HSPG2: variants seen among roughly 807,000 people sequenced by gnomAD.
HSPG2 encodes the protein basement membrane-specific heparan sulfate proteoglycan core protein.
In HSPG2, 278 loss-of-function variants were observed where a neutral mutation model predicts 526.6. The observed-to-expected ratio is 0.53, with a 90% confidence interval of 0.48 to 0.58. HSPG2 has a LOEUF of 0.58. Ranked by LOEUF, HSPG2 falls within the 20% of genes least tolerant of loss-of-function variation. The pLI, the probability that HSPG2 is intolerant of heterozygous loss-of-function variation, is 0.00. For synonymous variants in HSPG2, 2,465 were observed against 2,555.4 expected, an observed-to-expected ratio of 0.96 and a Z score of 1.07; for missense variants, 5,354 against 6,099.5, an observed-to-expected ratio of 0.88 and a Z score of 4.07.
intron 62 of HSPG2, 150 bp from the exon 63 acceptor site, chr1:21,846,749 C>T: frequency 1.1e-6 from 1 of 888,200 alleles, no homozygotes; most frequent in South Asian, 1.5e-5. Flanking sequence ...CCTGTAATCC[C>T]AGCACTTTGG....
chr1:21,864,333 G>C lies in HSPG2; in HGVS notation c.4627-120C>G. ...TGACCCTGGAACATCACAGGCCGGC[G>C]CCCCTCCTTCCCCACTTCTGCTCAG... On this transcript the variant is annotated intron_variant, in intron 36 of 96. Coordinates refer to ENST00000374695, the MANE Select transcript of HSPG2 (RefSeq NM_005529.7). This position sits in a 1 kb window ranked among gnomAD's most constrained non-coding sequence, Gnocchi z 4.8. 2.5e-6 allele frequency: 2 copies of C among 802,232 alleles called. No homozygotes were observed. Among genetic ancestry groups the C allele is most frequent in the Non-Finnish European group, 4.3e-6 (2 of 467,522 alleles). 49.7% of individuals were successfully genotyped at this position (802,232 alleles called of 1,614,324 possible). A position where few individuals can be genotyped will look rare whatever the true frequency, so the allele number is the denominator to read the frequency against.
chr1:21,900,919 A>T (rs1481522704), intron 1 of HSPG2, among the ~76,000 whole-genome samples: 1 of 151,968 alleles, frequency 6.6e-6, no homozygotes, highest in Non-Finnish European at 1.5e-5. Flanking sequence ...TTGGGTGCCA[A>T]GCCCTGAACT....
intron 44 of HSPG2, among the ~76,000 whole-genome samples, chr1:21,856,413 T>C (rs184387738): frequency 6.6e-6 from 1 of 152,148 alleles, no homozygotes; most frequent in African/African-American, 2.4e-5. Context: ...TCTCCCACCT[T>C]GTTTTATTTT....
intron 1 of HSPG2, among the ~76,000 whole-genome samples, chr1:21,932,155 C>A (rs12086256): frequency 0.012 from 1,876 of 152,308 alleles, 36 homozygotes; most frequent in African/African-American, 0.039. Flanking sequence ...CTTCTGTCCC[C>A]GAGCCAATCC....
At position 21,887,620 on chromosome 1, in the gene HSPG2, G is replaced by C. The variant is rs181945618; in HGVS notation, c.758C>G (p.Ser253Cys). Residue 253 changes from serine (S) to cysteine (C), a missense_variant, in exon 8 of 97, where the codon TCT (serine) becomes TGT (cysteine). Transcript: ENST00000374695. This position sits in a 1 kb window ranked among gnomAD's most constrained non-coding sequence, Gnocchi z 5.0. ...GGTTGTCTCTGGCCGGGGCGGTAAAGATGTCGTCTCCACAAGGAGAGAGAA... is the reference window on the plus strand; with the variant it reads ...GGTTGTCTCTGGCCGGGGCGGTAAACATGTCGTCTCCACAAGGAGAGAGAA... ...PTFSLLVETT[S>C]LPPRPETTIM... is the part of the protein sequence containing the mutation. The C allele has an allele frequency of 1.5e-5, 24 of 1,614,054 alleles. No homozygotes were observed. In the East Asian group the frequency reaches 5.1e-4, roughly 34 times the overall value.
chr1:21,923,675 C>A (rs767458215), intron 1 of HSPG2, among the ~76,000 whole-genome samples: 3 of 152,172 alleles, frequency 2.0e-5, no homozygotes, highest in Non-Finnish European at 4.4e-5. Flanking sequence ...GCCCTGAAAT[C>A]CTGCTATAGT....
At position 21,835,568 on chromosome 1, in the gene HSPG2, G is replaced by A; in HGVS notation, c.10425C>T (p.Ala3475=). 1 of 1,614,006 alleles carries A rather than the reference G, an allele frequency of 6.2e-7. No individual in the cohort carries two copies. The highest frequency in any genetic ancestry group is 8.5e-7 in the Non-Finnish European group (1 of 1,179,876). Residue 3475 remains alanine (A), a synonymous_variant, in exon 76 of 97, where the codon GCC becomes GCT. Transcript: ENST00000374695. ...GGATAACCAGCTGGGCACTGGCCTG[G>A]GCCTTCCCCCAAGGTCCATGGGCCT... ...ICQAHGPWGK[A]QASAQLVIQA...
Position 21,848,959 on chromosome 1 carries a change from C to G in HSPG2, c.7519G>C (p.Gly2507Arg). 6.2e-7 allele frequency: 1 copy of G among 1,613,990 alleles called. No homozygotes were observed. Among genetic ancestry groups the G allele is most frequent in the Non-Finnish European group, 8.5e-7 (1 of 1,180,008 alleles). ...GAGGCTTCCTGGGTACCTGAGCTGCCGACCACACGGCACACGTACTCCCCT... is the reference window on the plus strand; with the variant it reads ...GAGGCTTCCTGGGTACCTGAGCTGCGGACCACACGGCACACGTACTCCCCT... ...DSGEYVCRVV[G>R]SSGTQEASVL... The change falls in exon 58 of 97, where the codon GGC becomes CGC. Residue 2507 changes from glycine to arginine, a missense_variant. Physicochemically the swap from Gly to Arg is moderately radical, Grantham distance 125. Coordinates refer to ENST00000374695, the MANE Select transcript of HSPG2 (RefSeq NM_005529.7). This position sits in a 1 kb window ranked among gnomAD's most constrained non-coding sequence, Gnocchi z 4.9.
intron 67 of HSPG2, 93 bp from the exon 68 acceptor site, chr1:21,842,473 T>G: frequency 1.4e-6 from 2 of 1,403,040 alleles, no homozygotes; most frequent in Non-Finnish European, 9.5e-7. Context: ...AAGAGTTCTC[T>G]CGGAAGCTCA....
In HSPG2 at chr1:21,824,718, A is replaced by G. The variant is rs1351086589; in HGVS notation, c.12651T>C (p.His4217=). Residue 4217 remains histidine (H), a synonymous_variant, in exon 92 of 97, where the codon CAT becomes CAC. Coordinates refer to ENST00000374695, the MANE Select transcript of HSPG2 (RefSeq NM_005529.7). This position sits in a 1 kb window ranked among gnomAD's most constrained non-coding sequence, Gnocchi z 5.9. ...GCCAGTCTCACCTCCTGGAGAAGAC[A>G]TGGCCAGGGAAGGCGAGGAAGCCAT... ...HDDGFLAFPG[H]VFSRSLPEVP... The G allele has an allele frequency of 6.2e-7, 1 of 1,613,718 alleles. No homozygotes were observed.
rs539567638 is a variant in HSPG2, at chr1:21,840,368, C to T, written c.9514-351G>A. On this transcript the variant is annotated intron_variant, in intron 71 of 96. Coordinates refer to ENST00000374695, the MANE Select transcript of HSPG2 (RefSeq NM_005529.7). ...TCACCCAGGCTGCAGTGCTGTGGCA[C>T]GATCTCTGCTCACTGAAAGCTCTAC... Among the ~76,000 whole-genome samples the T allele has an allele frequency of 3.0e-3, 451 of 152,256 alleles. 9 individuals carry two copies. Among genetic ancestry groups the T allele is most frequent in the Admixed American group, 0.026 (390 of 15,290 alleles).
Position 21,874,525 on chromosome 1 carries a change from C to G in HSPG2, c.3537G>C (p.Gln1179His), listed in dbSNP as rs763007014. 9 of 1,613,614 alleles carry G rather than the reference C, an allele frequency of 5.6e-6. No individual in the cohort carries two copies. The highest frequency in any genetic ancestry group is 7.6e-6 in the Non-Finnish European group (9 of 1,179,916). The change falls in exon 28 of 97, where the codon CAG becomes CAC. Residue 1179 changes from glutamine to histidine, a missense_variant. Physicochemically the swap from Gln to His is conservative, Grantham distance 24. Transcript: ENST00000374695. ...CACACCGAGGGCCCTCCGTGTGATGCTGGCAGCCCTGGAGGAGCAGGATGT... is the reference window on the plus strand; with the variant it reads ...CACACCGAGGGCCCTCCGTGTGATGGTGGCAGCCCTGGAGGAGCAGGATGT... ...EPETGACQGCQHHTEGPRCEQ... is the reference protein window; with the variant it reads ...EPETGACQGCHHHTEGPRCEQ...
intron 1 of HSPG2, among the ~76,000 whole-genome samples, chr1:21,929,157 C>G (rs1476608709): frequency 6.6e-6 from 1 of 152,188 alleles, no homozygotes; most frequent in Non-Finnish European, 1.5e-5. Context: ...AGCTTCCACT[C>G]TAGATGAGGG....
chr1:21,887,608 C>G lies in HSPG2; in HGVS notation c.770G>C (p.Arg257Pro), dbSNP rs149319607. 7.9e-5 allele frequency: 128 copies of G among 1,613,862 alleles called. No homozygotes were observed. In the African/African-American group the frequency reaches 1.4e-3, roughly 18 times the overall value. Residue 257 changes from arginine to proline, a missense_variant, in exon 8 of 97, where the codon CGG (arginine) becomes CCG (proline). Transcript: ENST00000374695. This position sits in a 1 kb window ranked among gnomAD's most constrained non-coding sequence, Gnocchi z 5.0. Reference protein sequence around the residue: ...LLVETTSLPPRPETTIMRQPP... With the variant: ...LLVETTSLPPPPETTIMRQPP... ...CTGTCGCATGATGGTTGTCTCTGGC[C>G]GGGGCGGTAAAGATGTCGTCTCCAC...
Position 21,843,333 on chromosome 1 carries a change from C to A in HSPG2, c.8722G>T (p.Val2908Phe). The A allele has an allele frequency of 6.2e-7, 1 of 1,614,124 alleles. No homozygotes were observed. Among genetic ancestry groups the A allele is most frequent in the Non-Finnish European group, 8.5e-7 (1 of 1,180,042 alleles). Residue 2908 changes from valine to phenylalanine, a missense_variant, in exon 66 of 97, where the codon GTC becomes TTC. Val to Phe is a conservative substitution (Grantham distance 50, BLOSUM62 -1). Transcript: ENST00000374695. ...SSGTLEASVL[V>F]TIEPSSPGPI... ...CCTGGGCTGGAGGGCTCAATTGTGA[C>A]CAGGACAGATGCCTCCAGGGTGCCT...
chr1:21,905,204 A>C (rs1345917877), intron 1 of HSPG2, among the ~76,000 whole-genome samples: 2 of 128,216 alleles, frequency 1.6e-5, no homozygotes, highest in African/African-American at 3.3e-5. Context: ...CACACACACA[A>C]TCATGGTCAA....
At chr1:21,881,202 G>T in intron 14 of HSPG2, 137 bp downstream of exon 14, 1 of 1,067,340 alleles carries the variant, frequency 9.4e-7, no homozygotes. Context: ...GAATGGATGA[G>T]CCGCTGCCAC....
At position 21,937,143 on chromosome 1, in the gene HSPG2, C is replaced by T; in HGVS notation, c.63+12G>A. ...CGCCCCCGCCCCCCGCCCCTCTGCC[C>T]CGCACACTCACCGCCAGCAGCCGCC... On this transcript the variant is annotated intron_variant, in intron 1 of 96. Transcript: ENST00000374695. The T allele has an allele frequency of 5.5e-6, 3 of 547,698 alleles. No homozygotes were observed. The highest frequency in any genetic ancestry group is 4.1e-5 in the South Asian group (1 of 24,634). The allele number at this position is 547,698 out of a possible 1,614,324, so 33.9% of individuals were successfully genotyped here. A position where few individuals can be genotyped will look rare whatever the true frequency, so the allele number is the denominator to read the frequency against.
chr1:21,873,305 G>C (rs1246919613), intron 30 of HSPG2, 70 bp downstream of exon 30: 9 of 1,549,570 alleles, frequency 5.8e-6, no homozygotes, highest in Non-Finnish European at 8.0e-6. Flanking sequence ...GGGAGTAAAG[G>C]CTTCTGTCCT....
Sources: gnomAD v4.1 joint callset for allele counts (sites outside exome capture counted in the v4.1 genomes callset) on GRCh38, gnomAD v4.1.1 for gene constraint, Gnocchi (gnomAD v3.1) non-coding constraint, MANE v1.5 for transcripts, NCBI Gene and HGNC (gene_info 2026-07-23, HGNC 2026-07-21) for gene names.